Variants in REV3L observed in about 807,000 individuals in gnomAD.
REV3L encodes DNA polymerase zeta catalytic subunit.
In REV3L, 69 loss-of-function variants were observed where a neutral mutation model predicts 299.4. The ratio of observed to expected loss-of-function variants is 0.23; its 90% CI spans 0.19 to 0.28. REV3L has a LOEUF of 0.28. REV3L is among the 10% of genes least tolerant of loss of function. The probability of loss-of-function intolerance (pLI) is 1.00; values close to 1 mark genes in which losing one functional copy is unlikely to be tolerated. For synonymous variants in REV3L, 1,238 were observed against 1,271.4 expected, an observed-to-expected ratio of 0.97 and a Z score of 0.56; for missense variants, 3,128 against 3,693.8, an observed-to-expected ratio of 0.85 and a Z score of 3.97.
At chr6:111,408,767 C>A (rs948992235) in intron 3 of REV3L, among the ~76,000 whole-genome samples, 1 of 152,170 alleles carries the variant, frequency 6.6e-6, no homozygotes, top group African/African-American at 2.4e-5. Flanking sequence ...TCACTGCAAC[C>A]TCCACCTCTG....
chr6:111,442,540 C>T (rs1425856173), intron 1 of REV3L, among the ~76,000 whole-genome samples: 1 of 152,142 alleles, frequency 6.6e-6, no homozygotes, highest in African/African-American at 2.4e-5. Context: ...AAGTATGATT[C>T]TTATGAGCTG....
chr6:111,382,325 A>G (rs1448495627), intron 9 of REV3L, among the ~76,000 whole-genome samples: 1 of 152,186 alleles, frequency 6.6e-6, no homozygotes, highest in Non-Finnish European at 1.5e-5. Flanking sequence ...TAGAAAAGAC[A>G]GTCGTGAATT....
At position 111,435,484 on chromosome 6, in the gene REV3L, G is replaced by C. The variant is rs188209965; in HGVS notation, c.140-19012C>G. Among the ~76,000 whole-genome samples the C allele has an allele frequency of 2.6e-3, 397 of 152,146 alleles. 1 individual carries two copies. The highest frequency in any genetic ancestry group is 4.0e-3 in the Non-Finnish European group (272 of 68,006). On this transcript the variant is annotated intron_variant, in intron 1 of 31. Transcript: ENST00000368802. ...ACATACAGACCAATGAAACAGAACA[G>C]AGAACCTACATATAAATCCAGACAT...
intron 1 of REV3L, chr6:111,430,181 G>A: frequency 1.3e-6 from 1 of 796,926 alleles, no homozygotes; most frequent in South Asian, 1.3e-5. Flanking sequence ...CCGGTGAGAA[G>A]CCTCTCACAA....
chr6:111,361,431 C>CAAAAAAAAAAAAAAA (rs1251828373), intron 16 of REV3L: 1 of 106,978 alleles, frequency 9.3e-6, no homozygotes, highest in Non-Finnish European at 2.0e-5. Context: ...AAAAAAAAAA[C>CAAAAAAAAAAAAAAA]AAAAAAAAAA....
At chr6:111,351,339 T>C (rs1777546086) in intron 19 of REV3L, among the ~76,000 whole-genome samples, 1 of 151,902 alleles carries the variant, frequency 6.6e-6, no homozygotes, top group Non-Finnish European at 1.5e-5. Flanking sequence ...TATTTCATAA[T>C]GCAGAAAAAT....
At chr6:111,358,362 TTAGTAG>T (rs1778309187) in intron 17 of REV3L, among the ~76,000 whole-genome samples, 2 of 152,170 alleles carry the variant, frequency 1.3e-5, no homozygotes, top group Non-Finnish European at 2.9e-5. Flanking sequence ...GGACTCTGTA[TTAGTAG>T]TAAGTATTTT....
chr6:111,392,131 G>A (rs1781997368), intron 5 of REV3L, among the ~76,000 whole-genome samples: 1 of 152,162 alleles, frequency 6.6e-6, no homozygotes, highest in Admixed American at 6.5e-5. Flanking sequence ...TAAATGTCAA[G>A]GATGAATATT....
At chr6:111,342,067 G>A (rs1776549701) in intron 21 of REV3L, among the ~76,000 whole-genome samples, 1 of 152,194 alleles carries the variant, frequency 6.6e-6, no homozygotes, top group Admixed American at 6.5e-5. Flanking sequence ...ACAGACGACA[G>A]AGTTTGGAGA....
chr6:111,305,483 A>G (rs1176362601), intron 31 of REV3L, among the ~76,000 whole-genome samples: 1 of 152,112 alleles, frequency 6.6e-6, no homozygotes, highest in African/African-American at 2.4e-5. Context: ...GCTACATGGG[A>G]GGCTGAGCTG....
chr6:111,380,303 G>C, intron 10 of REV3L, 84 bp from the exon 11 acceptor site: 1 of 976,466 alleles, frequency 1.0e-6, no homozygotes, highest in African/African-American at 1.6e-5. Flanking sequence ...ACCCAGGCTG[G>C]AGTTGGAGTG....
intron 20 of REV3L, 80 bp from the exon 21 acceptor site, chr6:111,344,123 C>T (rs1295690090): frequency 1.2e-6 from 1 of 839,850 alleles, no homozygotes; most frequent in Admixed American, 2.8e-5. Flanking sequence ...ACCAATATCA[C>T]TTTAAACTTT....
chr6:111,473,065 A>G (rs1015375834), intron 1 of REV3L, among the ~76,000 whole-genome samples: 7 of 152,160 alleles, frequency 4.6e-5, no homozygotes, highest in African/African-American at 7.2e-5. Flanking sequence ...TGATGTTAAA[A>G]TGGCAGCCAG....
At chr6:111,377,454 AGCCTCCTGAG>A (rs1780427985) in intron 12 of REV3L, among the ~76,000 whole-genome samples, 1 of 152,140 alleles carries the variant, frequency 6.6e-6, no homozygotes. Flanking sequence ...CTCCCACCTC[AGCCTCCTGAG>A]TAGCTGGGAC....
At chr6:111,467,127 A>G (rs935246389) in intron 1 of REV3L, among the ~76,000 whole-genome samples, 2 of 152,244 alleles carry the variant, frequency 1.3e-5, no homozygotes, top group African/African-American at 4.8e-5. Flanking sequence ...GTAAAATTAT[A>G]TAAGAAGAAA....
intron 16 of REV3L, among the ~76,000 whole-genome samples, chr6:111,360,468 A>C (rs1166651762): frequency 7.5e-6 from 1 of 133,452 alleles, no homozygotes; most frequent in Non-Finnish European, 1.6e-5. Context: ...TTGTTAAATA[A>C]TCTTTTTTTT....
In REV3L at chr6:111,367,179, T is replaced by A. The variant is rs764601022; in HGVS notation, c.6609A>T (p.Pro2203=). ...KCESLCFHST[P]IIQRKLLERL... is the part of the protein sequence containing the mutation. ...TTTCCAGAAGTTTTCTCTGTATGAT[T>A]GGTGTACTATGAAAGCAAAGTGATT... The change falls in exon 14 of 32, where the codon CCA becomes CCT. Residue 2203 remains proline, a synonymous_variant. Coordinates refer to ENST00000368802, the MANE Select transcript of REV3L (RefSeq NM_001372078.1). 3 of 1,613,490 alleles carry A rather than the reference T, an allele frequency of 1.9e-6. No homozygotes were observed. The South Asian group carries it at 3.3e-5, about 18-fold the overall frequency.
intron 1 of REV3L, 130 bp downstream of exon 1, chr6:111,482,620 G>A (rs1011539028): frequency 2.4e-5 from 10 of 413,164 alleles, no homozygotes; most frequent in Non-Finnish European, 2.7e-5. Flanking sequence ...AGGGCGGAGG[G>A]GAGGGAAGAC....
intron 29 of REV3L, 112 bp from the exon 30 acceptor site, chr6:111,310,211 A>T (rs1048332620): frequency 7.6e-7 from 1 of 1,312,368 alleles, no homozygotes; most frequent in East Asian, 2.5e-5. Flanking sequence ...ACTACAAAAG[A>T]CAATTTCAAA....
Sources: allele counts gnomAD v4.1 joint callset (sites outside exome capture counted in the v4.1 genomes callset), GRCh38; gene constraint gnomAD v4.1.1; transcripts MANE v1.5; gene names NCBI Gene and HGNC (gene_info 2026-07-23, HGNC 2026-07-21).